The following ECE1 variants were observed in gnomAD, a reference collection of about 807,000 sequenced individuals.
The protein encoded by ECE1 is endothelin-converting enzyme 1.
In ECE1, 35 loss-of-function variants were observed where a neutral mutation model predicts 98.6. That is an observed-to-expected ratio of 0.35 (90% CI 0.27 to 0.47). The LOEUF (loss-of-function observed/expected upper bound fraction) is 0.47, where lower values mean the gene tolerates loss of function less well. Among genes scored for constraint, ECE1 ranks in the 20% least tolerant of loss-of-function variants. The probability of loss-of-function intolerance (pLI) is 1.00; values close to 1 mark genes in which losing one functional copy is unlikely to be tolerated. For missense variants in ECE1, 814 were observed against 1,025.3 expected (o/e 0.79, Z 2.81); for synonymous variants, 394 against 407.1 (o/e 0.97, Z 0.39).
At position 21,233,155 on chromosome 1, in the gene ECE1, C is replaced by T. The variant is rs2103230542; in HGVS notation, c.1670+403G>A. ...GGGAAAGCTGCTCTTGCTGGGGCCT[C>T]CTTGGGGTCTGGCGCTCCCCAGAGG... On this transcript the variant is annotated intron_variant, in intron 14 of 18. Transcript: ENST00000374893. This position sits in a 1 kb window ranked among gnomAD's most constrained non-coding sequence, Gnocchi z 4.0. The T allele has an allele frequency of 1.0e-5, 2 of 191,546 alleles. No individual in the cohort carries two copies. Among genetic ancestry groups the T allele is most frequent in the South Asian group, 2.0e-4 (2 of 10,064 alleles). 11.9% of individuals were successfully genotyped at this position (191,546 alleles called of 1,614,324 possible). A position where few individuals can be genotyped will look rare whatever the true frequency, so the allele number is the denominator to read the frequency against.
chr1:21,313,086 T>G (rs984501219), intron 1 of ECE1, among the ~76,000 whole-genome samples: 1 of 152,124 alleles, frequency 6.6e-6, no homozygotes, highest in African/African-American at 2.4e-5. Flanking sequence ...TCTAAACTAC[T>G]TATTGTTTCC....
chr1:21,222,205 C>G (rs2098168364), intron 17 of ECE1: 1 of 313,172 alleles, frequency 3.2e-6, no homozygotes, highest in Admixed American at 4.5e-5. Context: ...CAACTTTTCC[C>G]ATCATAGTCA....
Position 21,345,461 on chromosome 1 carries a change from C to T in ECE1, c.-83G>A. On this transcript the variant is annotated 5_prime_UTR_variant, in exon 1 of 19. Transcript: ENST00000415912. The surrounding 1 kb of genome is among the most constrained non-coding windows in gnomAD (Gnocchi z 5.1). ...AGCTCCGGGTTCCCTGCTCCCAGCCCAGCTGCTCGGACGGCTCGGCTGCCT... is the reference window on the plus strand; with the variant it reads ...AGCTCCGGGTTCCCTGCTCCCAGCCTAGCTGCTCGGACGGCTCGGCTGCCT... The T allele has an allele frequency of 3.3e-6, 4 of 1,208,160 alleles. No individual in the cohort carries two copies. The highest frequency in any genetic ancestry group is 2.1e-6 in the Non-Finnish European group (2 of 949,934). 74.8% of individuals were successfully genotyped at this position (1,208,160 alleles called of 1,614,324 possible).
chr1:21,239,785 CTTT>C (rs200501459), intron 10 of ECE1, among the ~76,000 whole-genome samples: 1 of 142,732 alleles, frequency 7.0e-6, no homozygotes, highest in Non-Finnish European at 1.5e-5. Context: ...TTTTTTCTTT[CTTT>C]TTTTTTTTTT....
At chr1:21,289,942 A>G in intron 2 of ECE1, 128 bp downstream of exon 2, 1 of 1,131,066 alleles carries the variant, frequency 8.8e-7, no homozygotes, top group Non-Finnish European at 1.1e-6. Flanking sequence ...CCCCTCCCGG[A>G]TGCCGGGACG....
chr1:21,253,587 C>T (rs1573970018), intron 8 of ECE1, among the ~76,000 whole-genome samples: 1 of 149,818 alleles, frequency 6.7e-6, no homozygotes, highest in Admixed American at 6.7e-5. Flanking sequence ...ACGGTGAAAC[C>T]CGGTCTCTAC....
Position 21,260,090 on chromosome 1 carries a change from G to A in ECE1, c.615+181C>T, listed in dbSNP as rs931302928. On this transcript the variant is annotated intron_variant, in intron 5 of 18. Transcript: ENST00000374893. This position sits in a 1 kb window ranked among gnomAD's most constrained non-coding sequence, Gnocchi z 4.3. ...ACAGACAACCCACCCACGCAGCTAC[G>A]CAATGTGCTCACACTCACATGTGCT... Among the ~76,000 whole-genome samples the A allele has an allele frequency of 2.6e-5, 4 of 152,216 alleles. No individual in the cohort carries two copies. The highest frequency in any genetic ancestry group is 6.5e-5 in the Admixed American group (1 of 15,286).
chr1:21,301,675 A>C (rs1358717372), intron 1 of ECE1, among the ~76,000 whole-genome samples: 2 of 151,436 alleles, frequency 1.3e-5, no homozygotes, highest in East Asian at 3.9e-4. Flanking sequence ...AAAATTAGCC[A>C]GGTATGGTGG....
intron 8 of ECE1, 103 bp from the exon 9 acceptor site, chr1:21,247,466 T>A (rs2098205437): frequency 1.9e-6 from 3 of 1,561,878 alleles, no homozygotes; most frequent in Non-Finnish European, 2.6e-6. Flanking sequence ...AGCTTGGGCT[T>A]GGCGCCATCT....
At chr1:21,304,525 T>A (rs1443165717) in intron 1 of ECE1, among the ~76,000 whole-genome samples, 1 of 151,966 alleles carries the variant, frequency 6.6e-6, no homozygotes, top group African/African-American at 2.4e-5. Flanking sequence ...TTCTTACTTT[T>A]AAAAAAGAGA....
At chr1:21,325,801 G>A (rs1228218185) in intron 1 of ECE1, among the ~76,000 whole-genome samples, 2 of 152,244 alleles carry the variant, frequency 1.3e-5, no homozygotes, top group Non-Finnish European at 2.9e-5. Context: ...ACATGAAACA[G>A]GTACGAGAAG....
At chr1:21,231,475 G>A (rs2098181664) in intron 14 of ECE1, among the ~76,000 whole-genome samples, 1 of 151,994 alleles carries the variant, frequency 6.6e-6, no homozygotes, top group South Asian at 2.1e-4. Context: ...CCAAGTAGCT[G>A]GGATTACAGG....
At chr1:21,315,878 C>T (rs1242607697) in intron 1 of ECE1, among the ~76,000 whole-genome samples, 1 of 151,724 alleles carries the variant, frequency 6.6e-6, no homozygotes, top group Non-Finnish European at 1.5e-5. Context: ...TCTGTCTACA[C>T]AGGCAGCGTC....
Position 21,225,119 on chromosome 1 carries a change from T to C in ECE1, c.2040+131A>G. The C allele has an allele frequency of 8.0e-7, 1 of 1,256,070 alleles. No individual in the cohort carries two copies. Among genetic ancestry groups the C allele is most frequent in the Non-Finnish European group, 1.1e-6 (1 of 903,326 alleles). The allele number at this position is 1,256,070 out of a possible 1,614,324, so 77.8% of individuals were successfully genotyped here. A position where few individuals can be genotyped will look rare whatever the true frequency, so the allele number is the denominator to read the frequency against. On this transcript the variant is annotated intron_variant, in intron 17 of 18. Transcript: ENST00000374893. The surrounding 1 kb of genome is among the most constrained non-coding windows in gnomAD (Gnocchi z 5.3). The stretch of plus-strand genomic sequence containing the variant: ...CGATTGGTCCTCGCCACCCCCAATT[T>C]CGCAGAAGAGGAAACGGAAGCTCGC...
At chr1:21,286,557 G>A (rs2098260717) in intron 2 of ECE1, among the ~76,000 whole-genome samples, 1 of 152,192 alleles carries the variant, frequency 6.6e-6, no homozygotes, top group African/African-American at 2.4e-5. Context: ...GTTAGAGCCA[G>A]CTTCCTTTGA....
At chr1:21,280,872 A>G (rs2744332) in intron 2 of ECE1, among the ~76,000 whole-genome samples, 10,615 of 148,840 alleles carry the variant, frequency 0.071, 1,145 homozygotes, top group African/African-American at 0.23. Context: ...CTTTCTGTGG[A>G]AAAAAAAAAA....
rs779679838 is a variant in ECE1 at position 21,225,221 on chromosome 1, C to A, written c.2040+29G>T. ...ATCTGGAAGGAGCCAGCACTGGGAC[C>A]GTGCGCGTGTGGGGAGCGGGGCTCT... On this transcript the variant is annotated intron_variant, in intron 17 of 18. Coordinates refer to ENST00000374893, the MANE Select transcript of ECE1 (RefSeq NM_001397.3). The surrounding 1 kb of genome is among the most constrained non-coding windows in gnomAD (Gnocchi z 5.3). 8 of 1,612,364 alleles carry A rather than the reference C, an allele frequency of 5.0e-6. No homozygotes were observed. The highest frequency in any genetic ancestry group is 6.8e-6 in the Non-Finnish European group (8 of 1,179,320).
At chr1:21,272,338 C>T (rs772687114) in intron 4 of ECE1, among the ~76,000 whole-genome samples, 20 of 152,340 alleles carry the variant, frequency 1.3e-4, no homozygotes, top group South Asian at 6.2e-4. Context: ...GTTGCCCAGG[C>T]TGGAGTGCAG....
At chr1:21,262,110 C>G (rs212532) in intron 4 of ECE1, among the ~76,000 whole-genome samples, 105,127 of 152,012 alleles carry the variant, frequency 0.69, 37,603 homozygotes, top group East Asian at 0.9. Context: ...TCTTGCTGAC[C>G]TCAGGGTGAT....
Sources: allele counts gnomAD v4.1 joint callset (sites outside exome capture counted in the v4.1 genomes callset), GRCh38; gene constraint gnomAD v4.1.1; non-coding constraint Gnocchi (gnomAD v3.1); transcripts MANE v1.5; gene names NCBI Gene and HGNC (gene_info 2026-07-23, HGNC 2026-07-21).